The following WASF2 variants were observed in gnomAD, a reference collection of about 807,000 sequenced individuals.
The protein encoded by WASF2 is actin-binding protein WASF2.
In WASF2, 14 loss-of-function variants were observed where a neutral mutation model predicts 45.0. The ratio of observed to expected loss-of-function variants is 0.31; its 90% CI spans 0.21 to 0.49. The LOEUF is 0.49. WASF2 is among the 20% of genes least tolerant of loss of function. WASF2 has a pLI of 0.99. For synonymous variants in WASF2, 200 were observed against 236.3 expected (o/e 0.85, Z 1.41); for missense variants, 439 against 636.1 (o/e 0.69, Z 3.33).
intron 1 of WASF2, among the ~76,000 whole-genome samples, chr1:27,473,455 C>CAAA (rs752426888): frequency 4.0e-5 from 2 of 49,722 alleles, no homozygotes; most frequent in Non-Finnish European, 4.3e-5. Context: ...ACTCCATGGC[C>CAAA]AAAAAAAAAA....
At chr1:27,475,569 T>C (rs922134199) in intron 1 of WASF2, among the ~76,000 whole-genome samples, 1 of 152,194 alleles carries the variant, frequency 6.6e-6, no homozygotes, top group East Asian at 1.9e-4. Context: ...CTCTCTATTA[T>C]AGCACCCTAT....
At chr1:27,456,994 G>A (rs935484419) in intron 1 of WASF2, among the ~76,000 whole-genome samples, 3 of 151,728 alleles carry the variant, frequency 2.0e-5, no homozygotes, top group African/African-American at 7.3e-5. Flanking sequence ...TGCCCGTCTC[G>A]GCCCCCCAAA....
chr1:27,421,407 G>A (rs571056859), intron 2 of WASF2, among the ~76,000 whole-genome samples: 22 of 152,354 alleles, frequency 1.4e-4, no homozygotes, highest in African/African-American at 5.3e-4. Context: ...GCTAGGCATG[G>A]TGGCTCATGC....
chr1:27,464,794 T>C (rs1460620348), intron 1 of WASF2, among the ~76,000 whole-genome samples: 1 of 152,236 alleles, frequency 6.6e-6, no homozygotes, highest in African/African-American at 2.4e-5. Flanking sequence ...AGTGGCACGA[T>C]CTTGGCTTAC....
intron 2 of WASF2, 51 bp downstream of exon 2, chr1:27,428,710 A>G: frequency 6.2e-7 from 1 of 1,613,608 alleles, no homozygotes; most frequent in Non-Finnish European, 8.5e-7. Flanking sequence ...AACTAAATAA[A>G]GAGCACCAAC....
chr1:27,453,569 G>A (rs1364053680), intron 1 of WASF2, among the ~76,000 whole-genome samples: 1 of 145,868 alleles, frequency 6.9e-6, no homozygotes, highest in East Asian at 2.0e-4. Context: ...TCCAACCTGG[G>A]TGACAGAGCA....
chr1:27,464,484 A>C (rs1004289012), intron 1 of WASF2, among the ~76,000 whole-genome samples: 4 of 152,180 alleles, frequency 2.6e-5, no homozygotes, highest in Non-Finnish European at 5.9e-5. Context: ...TTAAAAAAAA[A>C]CATATATTAC....
intron 1 of WASF2, among the ~76,000 whole-genome samples, chr1:27,434,775 G>A (rs1376670912): frequency 6.6e-6 from 1 of 152,148 alleles, no homozygotes; most frequent in Non-Finnish European, 1.5e-5. Context: ...ACTTGAGAAT[G>A]AGTCTGAAAA....
intron 1 of WASF2, among the ~76,000 whole-genome samples, chr1:27,435,021 A>T (rs2017114077): frequency 6.6e-6 from 1 of 151,938 alleles, no homozygotes; most frequent in Non-Finnish European, 1.5e-5. Context: ...ATCTCGGCTC[A>T]CCACAACCTC....
At chr1:27,483,816 G>A (rs924792438) in intron 1 of WASF2, among the ~76,000 whole-genome samples, 86 of 151,786 alleles carry the variant, frequency 5.7e-4, no homozygotes, top group Middle Eastern at 3.4e-3. Flanking sequence ...GGGTGGGCAT[G>A]GTAGCGCTCA....
chr1:27,474,916 C>T (rs531271082), intron 1 of WASF2, among the ~76,000 whole-genome samples: 57 of 152,222 alleles, frequency 3.7e-4, no homozygotes, highest in Non-Finnish European at 7.6e-4. Context: ...CGCACCACTG[C>T]ACTCCAGCCT....
intron 4 of WASF2, among the ~76,000 whole-genome samples, chr1:27,416,720 G>A (rs2016832451): frequency 2.0e-5 from 3 of 152,226 alleles, no homozygotes; most frequent in Admixed American, 1.3e-4. Context: ...GCTCCAGTGA[G>A]AAAAGATGGC....
At chr1:27,432,386 C>T (rs922491753) in intron 1 of WASF2, among the ~76,000 whole-genome samples, 5 of 151,982 alleles carry the variant, frequency 3.3e-5, no homozygotes, top group Non-Finnish European at 7.4e-5. Flanking sequence ...CGGTGGCTCA[C>T]GCCTGTAATT....
At chr1:27,449,470 A>G (rs1179450924) in intron 1 of WASF2, among the ~76,000 whole-genome samples, 5 of 151,942 alleles carry the variant, frequency 3.3e-5, no homozygotes, top group Non-Finnish European at 7.4e-5. Flanking sequence ...ATGGTGGCGC[A>G]TGCCTGTAGT....
At chr1:27,460,002 G>C (rs1483563115) in intron 1 of WASF2, among the ~76,000 whole-genome samples, 1 of 152,186 alleles carries the variant, frequency 6.6e-6, no homozygotes, top group Non-Finnish European at 1.5e-5. Context: ...AGATCAATGA[G>C]ATAACACATA....
intron 1 of WASF2, among the ~76,000 whole-genome samples, chr1:27,441,284 G>A (rs920244154): frequency 2.0e-5 from 3 of 151,116 alleles, no homozygotes; most frequent in Admixed American, 6.6e-5. Flanking sequence ...CTTGAGCCCA[G>A]GAAGTTGACA....
chr1:27,487,048 TATTA>T (rs200794082), intron 1 of WASF2, among the ~76,000 whole-genome samples: 22,152 of 147,150 alleles, frequency 0.15, 2,183 homozygotes, highest in East Asian at 0.37. Context: ...CTGTTACATA[TATTA>T]TATATAACAT....
chr1:27,444,199 C>G (rs1414921000), intron 1 of WASF2, among the ~76,000 whole-genome samples: 5 of 152,178 alleles, frequency 3.3e-5, no homozygotes, highest in Admixed American at 3.3e-4. Flanking sequence ...CCCACCTCAG[C>G]CTCCAGAGTA....
intron 1 of WASF2, among the ~76,000 whole-genome samples, chr1:27,449,268 C>G (rs2017350362): frequency 6.6e-6 from 1 of 152,140 alleles, no homozygotes; most frequent in Non-Finnish European, 1.5e-5. Context: ...ATCTTAGTGC[C>G]TACCACCACG....
Sources: allele counts gnomAD v4.1 joint callset (sites outside exome capture counted in the v4.1 genomes callset), GRCh38; gene constraint gnomAD v4.1.1; transcripts MANE v1.5; gene names NCBI Gene and HGNC (gene_info 2026-07-23, HGNC 2026-07-21).